The following EPB41L1 variants were observed in gnomAD, a reference collection of about 807,000 sequenced individuals.
EPB41L1 encodes the protein erythrocyte membrane protein band 4.1 like 1.
A neutral mutation model predicts 97.8 loss-of-function variants in EPB41L1; 29 were observed. That is an observed-to-expected ratio of 0.30 (90% CI 0.22 to 0.40). The LOEUF (loss-of-function observed/expected upper bound fraction) is 0.40. Ranked by LOEUF, EPB41L1 falls within the 10% of genes least tolerant of loss-of-function variation. The pLI, the probability that EPB41L1 is intolerant of heterozygous loss-of-function variation, is 1.00. For synonymous variants in EPB41L1, 383 were observed against 459.2 expected, an observed-to-expected ratio of 0.83 and a Z score of 2.12; for missense variants, 812 against 1,162.3, an observed-to-expected ratio of 0.70 and a Z score of 4.38.
At chr20:36,134,852 CTTTTT>C (rs764236552) in intron 2 of EPB41L1, among the ~76,000 whole-genome samples, 45 of 107,626 alleles carry the variant, frequency 4.2e-4, no homozygotes, top group African/African-American at 1.6e-3. Context: ...TTTTCTCTGT[CTTTTT>C]TTTTTTTTTT....
chr20:36,178,703 G>C (rs779506487), intron 5 of EPB41L1, 31 bp downstream of exon 5: 1 of 1,612,962 alleles, frequency 6.2e-7, no homozygotes, highest in Non-Finnish European at 8.5e-7. Context: ...GGGGAGGTGG[G>C]TGGGTGAGGG....
Position 36,096,012 on chromosome 20 carries a change from C to T in EPB41L1, c.-65+4400C>T, listed in dbSNP as rs2746099. On this transcript the variant is annotated intron_variant, in intron 1 of 19. Coordinates refer to the EPB41L1 transcript ENST00000202028. Reference sequence around the variant, plus strand: ...CTGCGCACCAGCCTGGGTGACAGAGCGAGACTCCATCTCAGGGAAAAAAAA... The same window carrying T: ...CTGCGCACCAGCCTGGGTGACAGAGTGAGACTCCATCTCAGGGAAAAAAAA... Among the ~76,000 whole-genome samples the T allele has an allele frequency of 7.6e-3, 1,138 of 148,828 alleles. 9 individuals carry two copies. The highest frequency in any genetic ancestry group is 0.027 in the African/African-American group (1,094 of 40,214).
intron 2 of EPB41L1, among the ~76,000 whole-genome samples, chr20:36,114,727 C>T (rs923269477): frequency 6.6e-6 from 1 of 152,174 alleles, no homozygotes; most frequent in African/African-American, 2.4e-5. Flanking sequence ...CCCAGCTTAG[C>T]AATCCAAACA....
intron 2 of EPB41L1, among the ~76,000 whole-genome samples, chr20:36,147,075 G>A (rs2059867506): frequency 6.6e-6 from 1 of 152,006 alleles, no homozygotes; most frequent in Admixed American, 6.6e-5. Flanking sequence ...TCAGCCCGGG[G>A]AAGTTGAGGC....
At chr20:36,177,378 C>T (rs2061287899) in intron 3 of EPB41L1, among the ~76,000 whole-genome samples, 1 of 152,192 alleles carries the variant, frequency 6.6e-6, no homozygotes, top group African/African-American at 2.4e-5. Context: ...AACAATGGTA[C>T]TTCCAGCAGA....
At chr20:36,094,231 T>C (rs2057758237) in intron 1 of EPB41L1, among the ~76,000 whole-genome samples, 1 of 152,178 alleles carries the variant, frequency 6.6e-6, no homozygotes, top group Non-Finnish European at 1.5e-5. Context: ...TTTATGTATG[T>C]GTAGTTGTTT....
At chr20:36,221,788 A>G in intron 19 of EPB41L1, 76 bp from the exon 20 acceptor site, 1 of 1,255,004 alleles carries the variant, frequency 8.0e-7, no homozygotes, top group Non-Finnish European at 1.2e-6. Context: ...TCGAGAGATG[A>G]TTTGGGTAGG....
At chr20:36,227,426 T>G (rs1258398480) in intron 21 of EPB41L1, among the ~76,000 whole-genome samples, 1 of 152,232 alleles carries the variant, frequency 6.6e-6, no homozygotes, top group Non-Finnish European at 1.5e-5. Context: ...CTCTCTGACC[T>G]CAGTTTCCTC....
intron 11 of EPB41L1, among the ~76,000 whole-genome samples, chr20:36,192,404 G>T (rs934632407): frequency 6.6e-6 from 1 of 151,218 alleles, no homozygotes; most frequent in Admixed American, 6.6e-5. Flanking sequence ...GGTGGCAGGC[G>T]CCTGTAGTCC....
At chr20:36,138,882 AT>A (rs140780533) in intron 2 of EPB41L1, among the ~76,000 whole-genome samples, 11 of 146,528 alleles carry the variant, frequency 7.5e-5, no homozygotes, top group African/African-American at 1.2e-4. Context: ...GTTGTGTCCC[AT>A]TTTTTTTTTC....
chr20:36,115,023 T>C (rs1215177790), intron 2 of EPB41L1, among the ~76,000 whole-genome samples: 1 of 152,182 alleles, frequency 6.6e-6, no homozygotes. Context: ...GTTATAGTAA[T>C]GCAAATGCCA....
chr20:36,214,279 G>A (rs1418969402), intron 16 of EPB41L1, 78 bp from the exon 17 acceptor site: 10 of 1,137,846 alleles, frequency 8.8e-6, no homozygotes, highest in Non-Finnish European at 1.2e-5. Context: ...TTTGTAACTG[G>A]GAGGCCGTGA....
At chr20:36,166,037 A>G (rs1042273820) in intron 1 of EPB41L1, among the ~76,000 whole-genome samples, 3 of 152,260 alleles carry the variant, frequency 2.0e-5, no homozygotes, top group African/African-American at 7.2e-5. Flanking sequence ...GGATGGAAAC[A>G]TCAGGTGTTG....
intron 1 of EPB41L1, among the ~76,000 whole-genome samples, chr20:36,095,991 G>T (rs986724307): frequency 1.3e-5 from 2 of 150,878 alleles, no homozygotes; most frequent in Non-Finnish European, 2.9e-5. Flanking sequence ...GCATCACTGC[G>T]CACCAGCCTG....
intron 17 of EPB41L1, 152 bp downstream of exon 17, chr20:36,214,592 G>A: frequency 1.4e-6 from 1 of 710,532 alleles, no homozygotes; most frequent in Non-Finnish European, 2.5e-6. Context: ...TTTATTATCT[G>A]GGGCTTTAGT....
At chr20:36,180,471 C>T (rs1162064654) in intron 5 of EPB41L1, among the ~76,000 whole-genome samples, 4 of 152,170 alleles carry the variant, frequency 2.6e-5, no homozygotes, top group African/African-American at 7.2e-5. Context: ...GTGGGGGTGA[C>T]AGTTCAATGA....
chr20:36,191,163 C>T (rs752737538), intron 11 of EPB41L1, among the ~76,000 whole-genome samples: 1 of 152,080 alleles, frequency 6.6e-6, no homozygotes, highest in Non-Finnish European at 1.5e-5. Context: ...AGGTCTGATT[C>T]ACCCTCCTCC....
intron 2 of EPB41L1, among the ~76,000 whole-genome samples, chr20:36,137,193 G>A (rs2059451459): frequency 6.7e-6 from 1 of 149,426 alleles, no homozygotes; most frequent in Admixed American, 6.7e-5. Flanking sequence ...TCGCCCCTCA[G>A]CCTCCCAAGT....
intron 1 of EPB41L1, among the ~76,000 whole-genome samples, chr20:36,095,597 G>A (rs1361377072): frequency 6.6e-6 from 1 of 152,180 alleles, no homozygotes; most frequent in Non-Finnish European, 1.5e-5. Flanking sequence ...AGTTTGTCTC[G>A]TTGTTACCCA....
Sources: allele counts gnomAD v4.1 joint callset (sites outside exome capture counted in the v4.1 genomes callset), GRCh38; gene constraint gnomAD v4.1.1; transcripts MANE v1.5; gene names NCBI Gene and HGNC (gene_info 2026-07-23, HGNC 2026-07-21).